AGO3: variants seen among roughly 807,000 people sequenced by gnomAD.
The protein encoded by AGO3 is argonaute RISC catalytic component 3.
A neutral mutation model predicts 105.5 loss-of-function variants in AGO3; 16 were observed. That is an observed-to-expected ratio of 0.15 (90% CI 0.10 to 0.23). AGO3 has a LOEUF of 0.23. Ranked by LOEUF, AGO3 falls within the 10% of genes least tolerant of loss-of-function variation. AGO3 has a pLI of 1.00. For missense variants in AGO3, 534 were observed against 1,088.0 expected, an observed-to-expected ratio of 0.49 and a Z score of 7.16; for synonymous variants, 340 against 367.3, an observed-to-expected ratio of 0.93 and a Z score of 0.85.
In AGO3 at chr1:35,955,682, C is replaced by T. The variant is rs1296348301; in HGVS notation, c.191+9819C>T. Among the ~76,000 whole-genome samples, 5 of 151,934 alleles carry T rather than the reference C, an allele frequency of 3.3e-5. No homozygotes were observed. The East Asian group carries it at 9.7e-4, about 29-fold the overall frequency. On this transcript the variant is annotated intron_variant, in intron 2 of 18. Coordinates refer to ENST00000373191, the MANE Select transcript of AGO3 (RefSeq NM_024852.4). ...TGAACATGGCTCACTGCAGCCTCAC[C>T]CTCCTGGGCCCGAGCAATCCTCCCA...
chr1:35,931,645 T>A (rs1047701049), intron 1 of AGO3, among the ~76,000 whole-genome samples, 200 bp downstream of exon 1: 1 of 152,232 alleles, frequency 6.6e-6, no homozygotes, highest in Non-Finnish European at 1.5e-5. Flanking sequence ...TCGGCGAAAC[T>A]GCGAGGCGGG....
rs1313857479 is a variant in AGO3, at chr1:36,027,884, T to C, written c.1591+586T>C. 6.6e-6 allele frequency among the ~76,000 whole-genome samples: 1 copy of C among 152,030 alleles called. No homozygotes were observed. The highest frequency in any genetic ancestry group is 1.5e-5 in the Non-Finnish European group (1 of 68,022). On this transcript the variant is annotated intron_variant, in intron 12 of 18. Coordinates refer to ENST00000373191, the MANE Select transcript of AGO3 (RefSeq NM_024852.4). This position sits in a 1 kb window ranked among gnomAD's most constrained non-coding sequence, Gnocchi z 4.0. ...GGCATTGAGATAATTTGAGTATCAGTATAATGTAGTGGTTAAAAGCACAGG... is the reference window on the plus strand; with the variant it reads ...GGCATTGAGATAATTTGAGTATCAGCATAATGTAGTGGTTAAAAGCACAGG...
chr1:36,022,062 CTTTTTTTTTT>C (rs34538981), intron 11 of AGO3, among the ~76,000 whole-genome samples: 1 of 110,298 alleles, frequency 9.1e-6, no homozygotes, highest in African/African-American at 3.5e-5. Context: ...AGTTGGGGGC[CTTTTTTTTTT>C]TTTTTTTTTT....
chr1:35,998,164 T>C (rs1455923087), intron 5 of AGO3, among the ~76,000 whole-genome samples: 4 of 152,182 alleles, frequency 2.6e-5, no homozygotes, highest in South Asian at 4.1e-4. Context: ...GTTATAGTTA[T>C]CTAGATACAT....
chr1:35,964,267 CCCT>C (rs1392415233), intron 2 of AGO3, among the ~76,000 whole-genome samples: 3 of 152,096 alleles, frequency 2.0e-5, no homozygotes, highest in African/African-American at 4.8e-5. Flanking sequence ...CTGATACTCT[CCCT>C]CCTCCTACCC....
intron 1 of AGO3, among the ~76,000 whole-genome samples, chr1:35,932,194 G>C (rs1258227431): frequency 6.6e-6 from 1 of 152,134 alleles, no homozygotes; most frequent in Non-Finnish European, 1.5e-5. Context: ...GATAGTACTT[G>C]TCCTTAAAAA....
intron 1 of AGO3, among the ~76,000 whole-genome samples, chr1:35,935,216 C>T (rs758154924): frequency 9.2e-5 from 14 of 151,804 alleles, no homozygotes; most frequent in Non-Finnish European, 1.6e-4. Flanking sequence ...GAAGGGACTC[C>T]GAGGGAAAAC....
At chr1:35,968,701 A>G (rs962273556) in intron 3 of AGO3, among the ~76,000 whole-genome samples, 2 of 152,218 alleles carry the variant, frequency 1.3e-5, no homozygotes, top group Non-Finnish European at 2.9e-5. Flanking sequence ...TGCTATGAAC[A>G]TAGATGTAAA....
At chr1:35,978,942 T>G (rs944448671) in intron 5 of AGO3, among the ~76,000 whole-genome samples, 2 of 152,206 alleles carry the variant, frequency 1.3e-5, no homozygotes, top group African/African-American at 4.8e-5. Context: ...TTCTAGAAAC[T>G]CCACAAATTT....
At chr1:35,933,640 CAAAAAAAAAAAAAAAAAA>C (rs34254758) in intron 1 of AGO3, among the ~76,000 whole-genome samples, 1 of 31,428 alleles carries the variant, frequency 3.2e-5, no homozygotes, top group East Asian at 6.4e-4. Flanking sequence ...GACCCTGTCT[CAAAAAAAAAAAAAAAAAA>C]AAAAAAAAAA....
intron 6 of AGO3, among the ~76,000 whole-genome samples, chr1:36,005,094 A>G (rs960447259): frequency 6.6e-6 from 1 of 152,144 alleles, no homozygotes; most frequent in African/African-American, 2.4e-5. Flanking sequence ...AAAAATAAAA[A>G]TAATTTTAAT....
intron 5 of AGO3, among the ~76,000 whole-genome samples, chr1:35,998,141 T>C (rs930130516): frequency 3.9e-5 from 6 of 152,178 alleles, no homozygotes; most frequent in Admixed American, 6.5e-5. Flanking sequence ...TTTTGGTAAA[T>C]TTCTTTTCCC....
Position 36,013,976 on chromosome 1 carries a change from C to T in AGO3, c.1334C>T (p.Thr445Ile). ...GACATGCGAGGGAAACAATTCCACA[C>T]AGGAGTTGAAATCAAAATGTGGGCT... ...VWDMRGKQFHTGVEIKMWAIA... is the reference protein window; with the variant it reads ...VWDMRGKQFHIGVEIKMWAIA... Residue 445 changes from threonine (T) to isoleucine (I), a missense_variant, in exon 11 of 19, where the codon ACA becomes ATA. By Grantham distance (89) the Thr-to-Ile change is moderately conservative. Transcript: ENST00000373191. 6.2e-7 allele frequency: 1 copy of T among 1,614,064 alleles called. No homozygotes were observed. Among genetic ancestry groups the T allele is most frequent in the Non-Finnish European group, 8.5e-7 (1 of 1,180,022 alleles).
chr1:36,051,787 A>C (rs561256139), intron 17 of AGO3, among the ~76,000 whole-genome samples: 7 of 152,334 alleles, frequency 4.6e-5, no homozygotes, highest in African/African-American at 1.7e-4. Flanking sequence ...AAAATAGGCA[A>C]ATGTCTCAAG....
At chr1:36,004,199 C>A in intron 5 of AGO3, 142 bp from the exon 6 acceptor site, 1 of 807,240 alleles carries the variant, frequency 1.2e-6, no homozygotes, top group Non-Finnish European at 1.8e-6. Flanking sequence ...ATTAAAACTG[C>A]TTAATTTTGG....
intron 11 of AGO3, among the ~76,000 whole-genome samples, chr1:36,025,407 CAA>C (rs201609794): frequency 1.3e-4 from 8 of 62,364 alleles, no homozygotes; most frequent in African/African-American, 6.3e-5. Flanking sequence ...CTTGAAAGGC[CAA>C]AAAAAAAAAA....
At chr1:35,989,705 T>C (rs2148792821) in intron 5 of AGO3, among the ~76,000 whole-genome samples, 1 of 152,092 alleles carries the variant, frequency 6.6e-6, no homozygotes, top group South Asian at 2.1e-4. Flanking sequence ...TGAAACCCTG[T>C]CTCTACAAAA....
intron 9 of AGO3, among the ~76,000 whole-genome samples, chr1:36,012,132 CAAG>C (rs1424919940): frequency 1.3e-5 from 2 of 151,820 alleles, no homozygotes; most frequent in African/African-American, 4.8e-5. Context: ...CCCAGGAGTT[CAAG>C]ACCAGCCTAG....
intron 5 of AGO3, among the ~76,000 whole-genome samples, chr1:35,986,349 A>T (rs1166290341): frequency 3.9e-5 from 6 of 152,254 alleles, no homozygotes; most frequent in African/African-American, 1.4e-4. Context: ...ACTACATAAC[A>T]GTTAAATAAA....
Sources: allele counts gnomAD v4.1 joint callset (sites outside exome capture counted in the v4.1 genomes callset), GRCh38; gene constraint gnomAD v4.1.1; non-coding constraint Gnocchi (gnomAD v3.1); transcripts MANE v1.5; gene names NCBI Gene and HGNC (gene_info 2026-07-23, HGNC 2026-07-21).